The following NLGN1 variants were observed in gnomAD, a reference collection of about 807,000 sequenced individuals.
NLGN1 encodes the protein neuroligin 1, also known as neuroligin-1.
In NLGN1, 12 loss-of-function variants were observed where a neutral mutation model predicts 65.5. The ratio of observed to expected loss-of-function variants is 0.18; its 90% CI spans 0.12 to 0.30. The LOEUF (loss-of-function observed/expected upper bound fraction) is 0.30. Among genes scored for constraint, NLGN1 ranks in the 10% least tolerant of loss-of-function variants. The pLI, the probability that NLGN1 is intolerant of heterozygous loss-of-function variation, is 1.00. For synonymous variants in NLGN1, 350 were observed against 359.5 expected (o/e 0.97, Z 0.30); for missense variants, 750 against 1,007.1 (o/e 0.74, Z 3.46).
chr3:173,585,666 C>T (rs1006086265), intron 2 of NLGN1, among the ~76,000 whole-genome samples: 1 of 152,170 alleles, frequency 6.6e-6, no homozygotes, highest in Non-Finnish European at 1.5e-5. Context: ...GTTGGAGCAG[C>T]CCAGGAAGAC....
chr3:173,863,247 A>G (rs1229434117), intron 4 of NLGN1, among the ~76,000 whole-genome samples: 3 of 152,134 alleles, frequency 2.0e-5, no homozygotes. Context: ...TGGTTTAACC[A>G]GAACATTCTC....
chr3:173,476,285 A>T (rs555575247), intron 2 of NLGN1, among the ~76,000 whole-genome samples: 1 of 152,340 alleles, frequency 6.6e-6, no homozygotes, highest in Non-Finnish European at 1.5e-5. Context: ...AAAATTTTAT[A>T]ATAAGGTGCT....
At chr3:173,455,201 C>T (rs552011007) in intron 2 of NLGN1, among the ~76,000 whole-genome samples, 2 of 152,116 alleles carry the variant, frequency 1.3e-5, no homozygotes, top group South Asian at 2.1e-4. Flanking sequence ...TTATTTTGGC[C>T]TGTGAACCTC....
intron 4 of NLGN1, among the ~76,000 whole-genome samples, chr3:173,938,971 T>C (rs184206215): frequency 1.3e-5 from 2 of 152,242 alleles, no homozygotes; most frequent in Admixed American, 1.3e-4. Flanking sequence ...CAAACCGAGC[T>C]TGTCAACACA....
chr3:173,975,051 G>T (rs1235912556), intron 4 of NLGN1, among the ~76,000 whole-genome samples: 1 of 152,020 alleles, frequency 6.6e-6, no homozygotes, highest in Non-Finnish European at 1.5e-5. Context: ...TGGCTTAATT[G>T]TGTTCACATG....
intron 4 of NLGN1, among the ~76,000 whole-genome samples, chr3:174,019,646 G>A (rs1347219778): frequency 1.3e-5 from 2 of 152,092 alleles, no homozygotes; most frequent in Non-Finnish European, 2.9e-5. Context: ...CATCTTAACA[G>A]TATCTCTGCA....
chr3:173,499,056 G>T (rs6771753), intron 2 of NLGN1, among the ~76,000 whole-genome samples: 87,269 of 148,546 alleles, frequency 0.59, 27,194 homozygotes, highest in East Asian at 0.81. Context: ...CTCTTTAGTT[G>T]AATTAGATCC....
At chr3:174,269,477 T>C (rs1748930009) in intron 4 of NLGN1, among the ~76,000 whole-genome samples, 1 of 152,052 alleles carries the variant, frequency 6.6e-6, no homozygotes, top group African/African-American at 2.4e-5. Flanking sequence ...GCACATTGTC[T>C]TCAGAGGCTC....
chr3:173,770,120 GA>G (rs1779369811), intron 3 of NLGN1, among the ~76,000 whole-genome samples: 1 of 152,138 alleles, frequency 6.6e-6, no homozygotes, highest in South Asian at 2.1e-4. Context: ...AGGAACCTCA[GA>G]GATCTAGAGC....
intron 4 of NLGN1, among the ~76,000 whole-genome samples, chr3:173,999,892 A>G (rs964521255): frequency 5.9e-5 from 9 of 152,184 alleles, no homozygotes; most frequent in African/African-American, 2.4e-5. Context: ...TCAAAAGAAG[A>G]GTAAAAATTT....
chr3:173,709,790 C>T (rs913648316), intron 3 of NLGN1, among the ~76,000 whole-genome samples: 7 of 110,718 alleles, frequency 6.3e-5, no homozygotes, highest in Admixed American at 2.5e-4. Flanking sequence ...GCAACGAGAG[C>T]GAAACTCTAT....
intron 4 of NLGN1, among the ~76,000 whole-genome samples, chr3:173,931,207 A>G (rs1744024466): frequency 6.6e-6 from 1 of 152,204 alleles, no homozygotes; most frequent in Non-Finnish European, 1.5e-5. Context: ...GGAGGAACCA[A>G]TAAACAAAAC....
intron 3 of NLGN1, among the ~76,000 whole-genome samples, chr3:173,749,059 T>C (rs722472): frequency 0.19 from 29,344 of 152,044 alleles, 3,144 homozygotes; most frequent in South Asian, 0.29. Context: ...ATTTTCTGTA[T>C]GCTTGATGCC....
At chr3:174,157,436 A>G (rs1316203324) in intron 4 of NLGN1, among the ~76,000 whole-genome samples, 1 of 151,812 alleles carries the variant, frequency 6.6e-6, no homozygotes, top group Non-Finnish European at 1.5e-5. Flanking sequence ...GATTGATGAA[A>G]GGTTTTTAAA....
chr3:173,898,956 A>C (rs1440589298), intron 4 of NLGN1, among the ~76,000 whole-genome samples: 56 of 152,290 alleles, frequency 3.7e-4, no homozygotes, highest in Admixed American at 2.8e-3. Context: ...AATAAAAATG[A>C]AGTTTGATCT....
At chr3:174,068,974 A>C (rs1287449357) in intron 4 of NLGN1, among the ~76,000 whole-genome samples, 1 of 152,154 alleles carries the variant, frequency 6.6e-6, no homozygotes, top group Non-Finnish European at 1.5e-5. Flanking sequence ...AGTTGGTGGG[A>C]GAAAAGAGTT....
chr3:174,133,423 A>T (rs1720580438), intron 4 of NLGN1, among the ~76,000 whole-genome samples: 1 of 152,118 alleles, frequency 6.6e-6, no homozygotes, highest in African/African-American at 2.4e-5. Context: ...TTTTCCCAAC[A>T]GTGTAAGTCT....
chr3:174,049,348 G>A (rs1486626805), intron 4 of NLGN1, among the ~76,000 whole-genome samples: 1 of 152,034 alleles, frequency 6.6e-6, no homozygotes, highest in Non-Finnish European at 1.5e-5. Flanking sequence ...GCCAGTAAGT[G>A]GCATGATCAG....
At chr3:174,217,777 G>T (rs1737894436) in intron 4 of NLGN1, among the ~76,000 whole-genome samples, 1 of 151,904 alleles carries the variant, frequency 6.6e-6, no homozygotes, top group Non-Finnish European at 1.5e-5. Flanking sequence ...CACCTAGAAT[G>T]AAGTCGATAT....
Sources: allele counts gnomAD v4.1 joint callset (sites outside exome capture counted in the v4.1 genomes callset), GRCh38; gene constraint gnomAD v4.1.1; transcripts MANE v1.5; gene names NCBI Gene and HGNC (gene_info 2026-07-23, HGNC 2026-07-21).